The following CSMD1 variants were observed in gnomAD, a reference collection of about 807,000 sequenced individuals.
CSMD1 encodes CUB and Sushi multiple domains 1.
CSMD1 carries 213 observed loss-of-function variants against 417.5 expected under a neutral mutation model. The observed-to-expected ratio is 0.51, with a 90% CI of 0.46 to 0.57. The LOEUF is 0.57. CSMD1 is among the 20% of genes least tolerant of loss of function. CSMD1 has a pLI of 0.00. For missense variants in CSMD1, 6,923 were observed against 4,529.7 expected (o/e 1.53, Z -15.17); for synonymous variants, 2,862 against 1,736.8 (o/e 1.65, Z -16.11).
At chr8:3,746,912 G>C (rs531530257) in intron 6 of CSMD1, among the ~76,000 whole-genome samples, 5 of 152,222 alleles carry the variant, frequency 3.3e-5, no homozygotes, top group African/African-American at 1.2e-4. Context: ...CAGTGGGTCA[G>C]GACACTGGCC....
At chr8:3,361,666 A>AC (rs1294918781) in intron 20 of CSMD1, among the ~76,000 whole-genome samples, 1 of 150,292 alleles carries the variant, frequency 6.7e-6, no homozygotes, top group Non-Finnish European at 1.5e-5. Context: ...AAAAAAAAAA[A>AC]AAAAAACAAA....
intron 23 of CSMD1, among the ~76,000 whole-genome samples, chr8:3,313,916 T>C (rs1440406623): frequency 2.6e-5 from 4 of 152,170 alleles, no homozygotes; most frequent in Admixed American, 2.0e-4. Flanking sequence ...GTGGCACATA[T>C]ACACCATGGA....
At chr8:3,171,382 C>T (rs886586415) in intron 37 of CSMD1, among the ~76,000 whole-genome samples, 1 of 152,154 alleles carries the variant, frequency 6.6e-6, no homozygotes, top group Non-Finnish European at 1.5e-5. Context: ...TTTTAACACT[C>T]AAAACTTTAC....
At chr8:3,948,390 G>T (rs1219381237) in intron 5 of CSMD1, among the ~76,000 whole-genome samples, 1 of 152,156 alleles carries the variant, frequency 6.6e-6, no homozygotes, top group Admixed American at 6.5e-5. Context: ...GATGCATACA[G>T]GAGAGGGAGG....
intron 1 of CSMD1, among the ~76,000 whole-genome samples, chr8:4,793,541 G>A (rs961674430): frequency 6.6e-6 from 1 of 151,760 alleles, no homozygotes. Context: ...TAGCTGTTCT[G>A]CTTGCAGAAA....
intron 3 of CSMD1, among the ~76,000 whole-genome samples, chr8:4,146,308 T>C (rs185413811): frequency 6.6e-6 from 1 of 150,966 alleles, no homozygotes; most frequent in African/African-American, 2.5e-5. Context: ...TAGCCTCTGC[T>C]TGGTGTCTGA....
intron 49 of CSMD1, among the ~76,000 whole-genome samples, chr8:3,060,293 G>A (rs759596049): frequency 4.6e-5 from 7 of 151,996 alleles, no homozygotes; most frequent in Non-Finnish European, 7.4e-5. Flanking sequence ...TTACAGGCGT[G>A]CACCACTGTG....
chr8:4,872,209 AG>A (rs1245231297), intron 1 of CSMD1, among the ~76,000 whole-genome samples: 2 of 152,136 alleles, frequency 1.3e-5, no homozygotes, highest in Non-Finnish European at 2.9e-5. Flanking sequence ...TAAGGCATAG[AG>A]GCCTTGGAGT....
At chr8:4,452,437 T>C (rs2129838311) in intron 2 of CSMD1, among the ~76,000 whole-genome samples, 1 of 152,294 alleles carries the variant, frequency 6.6e-6, no homozygotes, top group Non-Finnish European at 1.5e-5. Flanking sequence ...TCTTGACAAA[T>C]AAGGCATTAA....
chr8:4,453,214 G>GAC (rs1211571817), intron 2 of CSMD1, among the ~76,000 whole-genome samples: 17 of 94,966 alleles, frequency 1.8e-4, no homozygotes, highest in Non-Finnish European at 3.3e-4. Context: ...GACACACACA[G>GAC]AGACACACAC....
At chr8:3,671,478 TATACTC>T (rs1399239386) in intron 7 of CSMD1, among the ~76,000 whole-genome samples, 1 of 111,918 alleles carries the variant, frequency 8.9e-6, no homozygotes, top group Non-Finnish European at 1.8e-5. Flanking sequence ...TAATCATATA[TATACTC>T]ATATATATGA....
At chr8:3,488,636 G>T (rs905554662) in intron 11 of CSMD1, among the ~76,000 whole-genome samples, 1 of 152,032 alleles carries the variant, frequency 6.6e-6, no homozygotes, top group South Asian at 2.1e-4. Flanking sequence ...CTGCCTCCTC[G>T]CTGAGTCCTA....
At chr8:4,567,343 G>C (rs1798661213) in intron 2 of CSMD1, among the ~76,000 whole-genome samples, 4 of 152,152 alleles carry the variant, frequency 2.6e-5, no homozygotes, top group Admixed American at 2.6e-4. Flanking sequence ...ACAAGAACAA[G>C]TGAAACATGC....
chr8:3,680,168 C>T (rs148367079), intron 7 of CSMD1, among the ~76,000 whole-genome samples: 1 of 151,840 alleles, frequency 6.6e-6, no homozygotes, highest in African/African-American at 2.4e-5. Flanking sequence ...TAGCAGAAGG[C>T]AAGAAACAAC....
At chr8:4,761,313 G>T (rs1328517669) in intron 1 of CSMD1, among the ~76,000 whole-genome samples, 1 of 151,400 alleles carries the variant, frequency 6.6e-6, no homozygotes, top group Non-Finnish European at 1.5e-5. Flanking sequence ...AACAACTAAT[G>T]GAAACAAAAT....
At chr8:4,589,242 T>G (rs1424504350) in intron 2 of CSMD1, among the ~76,000 whole-genome samples, 1 of 152,136 alleles carries the variant, frequency 6.6e-6, no homozygotes, top group Non-Finnish European at 1.5e-5. Context: ...TATTGGAAAA[T>G]AAATCTAATT....
chr8:3,747,649 T>G (rs1797125560), intron 6 of CSMD1, among the ~76,000 whole-genome samples: 2 of 152,174 alleles, frequency 1.3e-5, no homozygotes. Flanking sequence ...TTGCATCTCC[T>G]CTGGACGTTC....
chr8:4,626,437 G>C (rs1364969874), intron 2 of CSMD1, among the ~76,000 whole-genome samples: 2 of 152,072 alleles, frequency 1.3e-5, no homozygotes, highest in Non-Finnish European at 1.5e-5. Context: ...TAGTAACTCT[G>C]AACCTTCTGT....
At chr8:4,212,511 A>T (rs1800375434) in intron 3 of CSMD1, among the ~76,000 whole-genome samples, 1 of 152,056 alleles carries the variant, frequency 6.6e-6, no homozygotes, top group African/African-American at 2.4e-5. Context: ...GCTTATTTAG[A>T]TTAGACATTA....
Sources: allele counts gnomAD v4.1 joint callset (sites outside exome capture counted in the v4.1 genomes callset), GRCh38; gene constraint gnomAD v4.1.1; transcripts MANE v1.5; gene names NCBI Gene and HGNC (gene_info 2026-07-23, HGNC 2026-07-21).